Variants in CFAP47 observed in about 807,000 individuals in gnomAD.
CFAP47 encodes cilia and flagella associated protein 47.
Under a neutral mutation model 148.1 loss-of-function variants are expected in CFAP47, and 29 were observed. The observed-to-expected ratio is 0.20, with a 90% confidence interval of 0.15 to 0.27. CFAP47 has a LOEUF of 0.27. Among genes scored for constraint, CFAP47 ranks in the 10% least tolerant of loss-of-function variants. CFAP47 has a pLI of 1.00. For missense variants in CFAP47, 1,872 were observed against 1,697.5 expected (o/e 1.10, Z -1.81); for synonymous variants, 664 against 577.3 (o/e 1.15, Z -2.15).
At chrX:36,326,681 G>A (rs781942961) in intron 57 of CFAP47, among the ~76,000 whole-genome samples, 57 of 112,052 alleles carry the variant, frequency 5.1e-4, no homozygotes, top group Non-Finnish European at 1.0e-3. Flanking sequence ...ATGATTTAGC[G>A]TACCTGCAGA....
At chrX:36,207,261 A>T (rs2146886387) in intron 45 of CFAP47, among the ~76,000 whole-genome samples, 1 of 112,016 alleles carries the variant, frequency 8.9e-6, no homozygotes, top group South Asian at 3.7e-4. Context: ...GAGAATAAAC[A>T]AGCAAATTTC....
chrX:35,948,369 T>C lies in CFAP47; in HGVS notation c.573T>C (p.Ser191=). The part of the protein sequence containing the change: ...GQLPILIFPT[S]GIVDAKSSMV... ...TACCCATCCTCATTTTTCCAACTAG[T>C]GGTATCGTGGATGCTAAGTCATCAA... The change falls in exon 4 of 64, where the codon AGT becomes AGC. Residue 191 remains serine (S), a synonymous_variant. Transcript: ENST00000378653. The C allele has an allele frequency of 8.3e-7, 1 of 1,197,975 alleles. No homozygotes were observed. The highest frequency in any genetic ancestry group is 1.1e-6 in the Non-Finnish European group (1 of 882,962).
intron 49 of CFAP47, among the ~76,000 whole-genome samples, chrX:36,256,131 A>G (rs782448615): frequency 8.9e-6 from 1 of 112,249 alleles, no homozygotes; most frequent in African/African-American, 3.2e-5. Context: ...TTACAGGATT[A>G]GTGTGTAACC....
intron 45 of CFAP47, chrX:36,211,473 T>A (rs1259686784): frequency 1.1e-5 from 3 of 284,343 alleles, no homozygotes; most frequent in African/African-American, 8.5e-5. Context: ...TCCTGTCCAG[T>A]CCACTAGTGA....
In CFAP47 at chrX:36,348,063, TCTC is replaced by T. The variant is rs1329511125; in HGVS notation, c.8444-63_8444-61del. ...CAGTAATCAAATTAGGTGTTTACCT[TCTC>T]CTGTTAAAATTATAGTCTGTTAATA... On this transcript the variant is annotated intron_variant, in intron 57 of 63. Transcript: ENST00000378653. 6.0e-4 allele frequency: 385 copies of T among 641,813 alleles called. 4 individuals are homozygous for T. The highest frequency in any genetic ancestry group is 1.1e-4 in the Non-Finnish European group (52 of 472,404). The allele number at this position is 641,813 out of a possible 1,213,427, so 52.9% of individuals were successfully genotyped here.
intron 63 of CFAP47, among the ~76,000 whole-genome samples, chrX:36,382,113 A>G (rs1556024246): frequency 9.0e-6 from 1 of 111,204 alleles, no homozygotes; most frequent in Non-Finnish European, 1.9e-5. Flanking sequence ...TGTGATCTCA[A>G]TTAACAGATG....
chrX:36,334,962 A>C (rs1941592775), intron 57 of CFAP47, among the ~76,000 whole-genome samples: 1 of 110,888 alleles, frequency 9.0e-6, no homozygotes, highest in Admixed American at 9.7e-5. Context: ...CTCATACCAT[A>C]GGTGATCTCA....
At chrX:36,004,942 A>G (rs1163479141) in intron 21 of CFAP47, among the ~76,000 whole-genome samples, 1 of 111,579 alleles carries the variant, frequency 9.0e-6, no homozygotes, top group Non-Finnish European at 1.9e-5. Flanking sequence ...TATTTATAAA[A>G]TGTTCTGTTT....
rs139177903 is a variant in CFAP47, at chrX:35,970,715, T to A, written c.1815-53T>A. ...TGGCTAGGAGGCTGTCAGTAAATAC[T>A]GATTGAACAAATGCATATATAAAAA... On this transcript the variant is annotated intron_variant, in intron 10 of 63. Transcript: ENST00000378653. 8.4e-4 allele frequency: 841 copies of A among 995,567 alleles called. 4 individuals carry two copies. The African/African-American group carries it at 0.014, about 17-fold the overall frequency. 82.0% of individuals were successfully genotyped at this position (995,567 alleles called of 1,213,427 possible).
chrX:36,073,240 C>T lies in CFAP47; in HGVS notation c.4567C>T (p.Leu1523Phe). ...EKEKYEQFLS[L>F]EEGTKAHYFF... ...GGAAAAATATGAACAATTCCTTTCT[C>T]TTGAGGAAGGAACAAAGGCACACTA... The change falls in exon 29 of 64, where the codon CTT (leucine) becomes TTT (phenylalanine). Residue 1523 changes from leucine (L) to phenylalanine (F), a missense_variant. Coordinates refer to ENST00000378653, the MANE Select transcript of CFAP47 (RefSeq NM_001304548.2). The T allele has an allele frequency of 8.3e-7, 1 of 1,208,704 alleles. No individual in the cohort carries two copies. The highest frequency in any genetic ancestry group is 1.1e-6 in the Non-Finnish European group (1 of 893,143).
chrX:36,375,091 T>C (rs1208668857), intron 62 of CFAP47: 1 of 395,524 alleles, frequency 2.5e-6, no homozygotes, highest in Non-Finnish European at 4.7e-6. Flanking sequence ...ATGATGACTT[T>C]GGAGCATGAC....
chrX:36,058,310 A>G (rs1355402276), intron 26 of CFAP47, among the ~76,000 whole-genome samples: 8 of 112,065 alleles, frequency 7.1e-5, no homozygotes, highest in Non-Finnish European at 1.3e-4. Context: ...ATGTAATTGT[A>G]TTACCTCTTA....
At chrX:36,067,277 A>G (rs1268587121) in intron 27 of CFAP47, among the ~76,000 whole-genome samples, 1 of 111,501 alleles carries the variant, frequency 9.0e-6, no homozygotes, top group Non-Finnish European at 1.9e-5. Flanking sequence ...TGTCTTCTGG[A>G]TACCATTCTT....
intron 18 of CFAP47, among the ~76,000 whole-genome samples, chrX:35,995,210 C>A (rs925526272): frequency 7.2e-5 from 8 of 111,223 alleles, no homozygotes; most frequent in Non-Finnish European, 1.5e-4. Context: ...AGCTGCAATG[C>A]AGACATAAGA....
At chrX:36,211,310 C>T (rs1940097487) in intron 45 of CFAP47, 3 of 253,145 alleles carry the variant, frequency 1.2e-5, no homozygotes, top group Admixed American at 8.5e-5. Flanking sequence ...ATGGCAAAGG[C>T]AGACAAGGCC....
intron 45 of CFAP47, among the ~76,000 whole-genome samples, chrX:36,225,874 G>A (rs1321350409): frequency 1.8e-5 from 2 of 111,071 alleles, no homozygotes; most frequent in African/African-American, 6.5e-5. Flanking sequence ...CTGGTCTTGA[G>A]AGCAAGTAGT....
chrX:36,237,688 C>A (rs782263847), intron 48 of CFAP47, among the ~76,000 whole-genome samples: 1 of 111,752 alleles, frequency 8.9e-6, no homozygotes, highest in Admixed American at 9.5e-5. Flanking sequence ...TTTGTTTAAA[C>A]CAATCTTTAA....
chrX:36,223,301 A>C (rs1940233622), intron 45 of CFAP47, among the ~76,000 whole-genome samples: 1 of 110,945 alleles, frequency 9.0e-6, no homozygotes, highest in Admixed American at 9.7e-5. Flanking sequence ...TAGTCTTTTG[A>C]CTTATACAAT....
intron 25 of CFAP47, among the ~76,000 whole-genome samples, chrX:36,039,989 T>C (rs942805863): frequency 8.9e-6 from 1 of 111,755 alleles, no homozygotes; most frequent in Non-Finnish European, 1.9e-5. Flanking sequence ...TGTTGTTTAT[T>C]GTAGAATGTT....
Sources: allele counts gnomAD v4.1 joint callset (sites outside exome capture counted in the v4.1 genomes callset), GRCh38; gene constraint gnomAD v4.1.1; transcripts MANE v1.5; gene names NCBI Gene and HGNC (gene_info 2026-07-23, HGNC 2026-07-21).